Variants in CTPS2 observed in about 807,000 individuals in gnomAD.
CTPS2 encodes CTP synthase 2.
CTPS2 carries 19 observed loss-of-function variants against 46.8 expected under a neutral mutation model. That is an observed-to-expected ratio of 0.41 (90% CI 0.28 to 0.60). CTPS2 has a LOEUF of 0.60. Ranked by LOEUF, CTPS2 falls within the 20% of genes least tolerant of loss-of-function variation. The pLI is 0.35. For synonymous variants in CTPS2, 151 were observed against 165.2 expected (o/e 0.91, Z 0.66); for missense variants, 286 against 447.6 (o/e 0.64, Z 3.26).
At chrX:16,674,865 GT>G (rs1354291307) in intron 10 of CTPS2, among the ~76,000 whole-genome samples, 6 of 110,168 alleles carry the variant, frequency 5.4e-5, no homozygotes, top group African/African-American at 2.0e-4. Context: ...AATTATGCGT[GT>G]GGACATTGGC....
intron 13 of CTPS2, 103 bp from the exon 14 acceptor site, chrX:16,639,346 C>T (rs891196454): frequency 4.5e-5 from 27 of 599,401 alleles, no homozygotes; most frequent in Non-Finnish European, 7.7e-5. Flanking sequence ...AAGCATGGTC[C>T]CTAAACTATA....
At chrX:16,665,939 A>G (rs1921138763) in intron 13 of CTPS2, among the ~76,000 whole-genome samples, 1 of 111,281 alleles carries the variant, frequency 9.0e-6, no homozygotes, top group Admixed American at 9.6e-5. Context: ...TTTAGTAGAG[A>G]TGGGGTTTCA....
Position 16,620,350 on chromosome X carries a change from C to T in CTPS2, c.1394-18G>A, listed in dbSNP as rs73448268. 5,945 of 1,149,403 alleles carry T rather than the reference C, an allele frequency of 5.2e-3. 192 individuals carry two copies. In the African/African-American group the frequency reaches 0.089, roughly 17 times the overall value. 94.7% of individuals were successfully genotyped at this position (1,149,403 alleles called of 1,213,427 possible). On this transcript the variant is annotated intron_variant, in intron 14 of 18. Coordinates refer to ENST00000359276, the MANE Select transcript of CTPS2 (RefSeq NM_175859.3). ...AAGTTTCCCTGTAAAGATACAAGAG[C>T]GAGATTAATATTAGAGTAAGCAGCT... is the stretch of plus-strand genomic sequence containing the variant.
intron 17 of CTPS2, among the ~76,000 whole-genome samples, chrX:16,594,240 C>G (rs750878999): frequency 9.0e-6 from 1 of 111,209 alleles, no homozygotes; most frequent in South Asian, 3.8e-4. Context: ...CATTTCCTTG[C>G]GTGCCAGATT....
At chrX:16,682,859 G>T (rs1230928646) in intron 9 of CTPS2, among the ~76,000 whole-genome samples, 2 of 111,939 alleles carry the variant, frequency 1.8e-5, no homozygotes, top group Non-Finnish European at 3.8e-5. Flanking sequence ...CTTGCGCCTG[G>T]TTACTCCTAG....
At chrX:16,620,430 C>G (rs1930763570) in intron 14 of CTPS2, 98 bp from the exon 15 acceptor site, 1 of 576,139 alleles carries the variant, frequency 1.7e-6, no homozygotes, top group Non-Finnish European at 2.8e-6. Flanking sequence ...CACTATCTAT[C>G]TATCAGAGGA....
chrX:16,608,550 T>C (rs1190668486), intron 17 of CTPS2, among the ~76,000 whole-genome samples: 1 of 111,434 alleles, frequency 9.0e-6, no homozygotes, highest in Non-Finnish European at 1.9e-5. Context: ...GCTATGATTG[T>C]GCTACTGCAC....
chrX:16,663,825 G>T (rs1933051031), intron 13 of CTPS2, among the ~76,000 whole-genome samples: 1 of 111,146 alleles, frequency 9.0e-6, no homozygotes. Context: ...TTTACTCTGT[G>T]TAAAAAAAAA....
At chrX:16,638,049 A>G (rs1242258940) in intron 14 of CTPS2, among the ~76,000 whole-genome samples, 1 of 110,559 alleles carries the variant, frequency 9.0e-6, no homozygotes, top group Non-Finnish European at 1.9e-5. Context: ...AGGTCAGGAG[A>G]TCAAGACCAT....
intron 6 of CTPS2, among the ~76,000 whole-genome samples, chrX:16,692,073 T>C (rs1238365749): frequency 1.8e-5 from 2 of 111,593 alleles, no homozygotes; most frequent in Non-Finnish European, 3.8e-5. Flanking sequence ...AAGCAAGTTG[T>C]GGGCTGTTAT....
intron 14 of CTPS2, among the ~76,000 whole-genome samples, chrX:16,622,467 T>C (rs1930898732): frequency 9.0e-6 from 1 of 110,595 alleles, no homozygotes; most frequent in Non-Finnish European, 1.9e-5. Context: ...ATCAGGAAGT[T>C]GCCTCAGAGG....
At chrX:16,623,588 A>C (rs975103706) in intron 14 of CTPS2, among the ~76,000 whole-genome samples, 1 of 110,741 alleles carries the variant, frequency 9.0e-6, no homozygotes, top group African/African-American at 3.3e-5. Context: ...AAATGACAGG[A>C]TCTCATTCTT....
chrX:16,600,033 C>G (rs756394266), intron 17 of CTPS2, among the ~76,000 whole-genome samples: 18 of 112,449 alleles, frequency 1.6e-4, no homozygotes, highest in Non-Finnish European at 3.0e-4. Flanking sequence ...CCCGCCTCGG[C>G]TTCCCAAAGT....
intron 16 of CTPS2, among the ~76,000 whole-genome samples, chrX:16,615,241 A>C (rs1041494421): frequency 1.8e-5 from 2 of 110,604 alleles, no homozygotes; most frequent in Admixed American, 1.9e-4. Flanking sequence ...TGGGAGGCTG[A>C]GGTGGGAGGA....
chrX:16,664,078 T>C (rs6527698), intron 13 of CTPS2, among the ~76,000 whole-genome samples: 24,302 of 111,181 alleles, frequency 0.22, 2,236 homozygotes, highest in Middle Eastern at 0.36. Context: ...CCTTGTGATC[T>C]GCCCGCCTTG....
chrX:16,708,390 A>G (rs1569241525), intron 1 of CTPS2, among the ~76,000 whole-genome samples: 1 of 111,108 alleles, frequency 9.0e-6, no homozygotes, highest in East Asian at 2.8e-4. Context: ...ATGCCATCGC[A>G]CATCTTCACT....
intron 16 of CTPS2, among the ~76,000 whole-genome samples, chrX:16,613,496 C>T (rs1930367301): frequency 9.0e-6 from 1 of 111,659 alleles, no homozygotes; most frequent in African/African-American, 3.3e-5. Flanking sequence ...CTTGACAACA[C>T]ACTGCTAGTT....
intron 13 of CTPS2, among the ~76,000 whole-genome samples, chrX:16,660,560 C>T (rs113381190): frequency 9.0e-6 from 1 of 110,922 alleles, no homozygotes; most frequent in African/African-American, 3.3e-5. Context: ...TGCCACCATG[C>T]GCAGCTAATT....
At chrX:16,698,581 C>T (rs1456986794) in intron 3 of CTPS2, among the ~76,000 whole-genome samples, 1 of 110,048 alleles carries the variant, frequency 9.1e-6, no homozygotes, top group Non-Finnish European at 1.9e-5. Flanking sequence ...GATGGAGTCT[C>T]ACTCTGTCGC....
Sources: gnomAD v4.1 joint callset for allele counts (sites outside exome capture counted in the v4.1 genomes callset) on GRCh38, gnomAD v4.1.1 for gene constraint, MANE v1.5 for transcripts, NCBI Gene and HGNC (gene_info 2026-07-23, HGNC 2026-07-21) for gene names.